Variants in ARHGAP32 observed in about 807,000 individuals in gnomAD.
ARHGAP32 encodes rho GTPase-activating protein 32.
In ARHGAP32, 51 loss-of-function variants were observed where a neutral mutation model predicts 186.5. The ratio of observed to expected loss-of-function variants is 0.27; its 90% CI spans 0.22 to 0.35. The LOEUF (loss-of-function observed/expected upper bound fraction) is 0.35. ARHGAP32 is among the 10% of genes least tolerant of loss of function. The probability of loss-of-function intolerance (pLI) is 1.00; values close to 1 mark genes in which losing one functional copy is unlikely to be tolerated. For missense variants in ARHGAP32, 2,186 were observed against 2,623.5 expected (o/e 0.83, Z 3.64); for synonymous variants, 950 against 964.3 (o/e 0.99, Z 0.27).
At chr11:129,048,647 T>C (rs182342385) in intron 10 of ARHGAP32, among the ~76,000 whole-genome samples, 8 of 152,046 alleles carry the variant, frequency 5.3e-5, no homozygotes, top group Admixed American at 1.3e-4. Context: ...GGGCAAAAAC[T>C]GGGAGGAACA....
At chr11:129,065,699 C>T (rs1940663773) in intron 7 of ARHGAP32, among the ~76,000 whole-genome samples, 1 of 152,094 alleles carries the variant, frequency 6.6e-6, no homozygotes, top group East Asian at 1.9e-4. Flanking sequence ...CACTGAATCT[C>T]AGAACATCAC....
intron 1 of ARHGAP32, among the ~76,000 whole-genome samples, chr11:129,262,760 C>G (rs1425310124): frequency 7.6e-6 from 1 of 132,446 alleles, no homozygotes; most frequent in Non-Finnish European, 1.6e-5. Flanking sequence ...CTACAAAAAT[C>G]CTGGGAGAAG....
chr11:129,189,973 G>A (rs1277622723), intron 1 of ARHGAP32, among the ~76,000 whole-genome samples: 2 of 152,028 alleles, frequency 1.3e-5, no homozygotes, highest in East Asian at 3.9e-4. Context: ...AGCTATTCAG[G>A]GAAAAAGAAA....
At chr11:129,064,793 T>C (rs749360023) in intron 8 of ARHGAP32, 48 bp downstream of exon 8, 1 of 1,377,380 alleles carries the variant, frequency 7.3e-7, no homozygotes, top group Non-Finnish European at 1.0e-6. Flanking sequence ...ATTTCTTAAG[T>C]AGATAATTTA....
intron 6 of ARHGAP32, among the ~76,000 whole-genome samples, chr11:129,079,843 G>A (rs1438382549): frequency 2.0e-5 from 3 of 152,140 alleles, no homozygotes; most frequent in Non-Finnish European, 4.4e-5. Flanking sequence ...CCAAGTATCT[G>A]CTGTCTTCAA....
chr11:129,181,588 G>T (rs913122943), intron 1 of ARHGAP32, among the ~76,000 whole-genome samples: 1 of 152,122 alleles, frequency 6.6e-6, no homozygotes, highest in African/African-American at 2.4e-5. Context: ...GTTAGCCTAT[G>T]TGGACTAATA....
At chr11:129,211,336 C>A (rs1944580008) in intron 1 of ARHGAP32, among the ~76,000 whole-genome samples, 1 of 152,222 alleles carries the variant, frequency 6.6e-6, no homozygotes, top group African/African-American at 2.4e-5. Flanking sequence ...CAAGATTTCT[C>A]AGAAATGTAT....
chr11:129,168,079 TA>T (rs796728435), intron 1 of ARHGAP32, among the ~76,000 whole-genome samples: 17 of 150,128 alleles, frequency 1.1e-4, no homozygotes, highest in African/African-American at 4.2e-4. Context: ...ACCCCATCTG[TA>T]AAAAAAAATA....
chr11:129,216,682 A>AAAAAAC (rs1474615629), intron 1 of ARHGAP32, among the ~76,000 whole-genome samples: 1 of 146,484 alleles, frequency 6.8e-6, no homozygotes, highest in African/African-American at 2.5e-5. Flanking sequence ...AAAAAAAAAA[A>AAAAAAC]AAAAAAAAAA....
chr11:129,234,391 G>A (rs1944898928), intron 1 of ARHGAP32, among the ~76,000 whole-genome samples: 1 of 151,916 alleles, frequency 6.6e-6, no homozygotes. Flanking sequence ...AAATATATAT[G>A]TAAAATAGTC....
chr11:129,156,998 G>C (rs905792924), intron 2 of ARHGAP32, among the ~76,000 whole-genome samples: 6 of 152,144 alleles, frequency 3.9e-5, no homozygotes, highest in Non-Finnish European at 7.3e-5. Context: ...CTCACTATTA[G>C]AAGGAAAACT....
At chr11:129,043,426 GC>G (rs1939683645) in intron 10 of ARHGAP32, among the ~76,000 whole-genome samples, 1 of 89,344 alleles carries the variant, frequency 1.1e-5, no homozygotes, top group South Asian at 3.7e-4. Flanking sequence ...CGTTCTTGTT[GC>G]CCAGTCTGAA....
chr11:129,210,620 A>T (rs912329383), intron 1 of ARHGAP32, among the ~76,000 whole-genome samples: 1 of 152,194 alleles, frequency 6.6e-6, no homozygotes, highest in Non-Finnish European at 1.5e-5. Context: ...AAATACTTCC[A>T]AAAACACAAA....
chr11:128,973,546 A>G, intron 21 of ARHGAP32, 114 bp from the exon 22 acceptor site: 1 of 1,144,762 alleles, frequency 8.7e-7, no homozygotes, highest in Non-Finnish European at 1.2e-6. Flanking sequence ...TCCATATTTC[A>G]AAATGGCAAT....
Position 129,266,083 on chromosome 11 carries a change from A to G in ARHGAP32, c.-5+13063T>C, listed in dbSNP as rs534905394. On this transcript the variant is annotated intron_variant, in intron 1 of 6. Transcript: ENST00000525234. ...GGGAGAGAAAAGCTCTAAAAAATGTAATTTCCTACAAGCCCTAGATGAATA... is the reference window on the plus strand; with the variant it reads ...GGGAGAGAAAAGCTCTAAAAAATGTGATTTCCTACAAGCCCTAGATGAATA... 1.1e-4 allele frequency among the ~76,000 whole-genome samples: 16 copies of G among 152,304 alleles called. No individual in the cohort carries two copies. The South Asian group carries it at 2.7e-3, about 26-fold the overall frequency.
intron 1 of ARHGAP32, among the ~76,000 whole-genome samples, chr11:129,167,096 T>C: frequency 6.6e-6 from 1 of 151,988 alleles, no homozygotes; most frequent in Non-Finnish European, 1.5e-5. Flanking sequence ...AAAACATACA[T>C]ATTAATCTAA....
intron 2 of ARHGAP32, among the ~76,000 whole-genome samples, chr11:129,144,593 C>T (rs672035): frequency 0.71 from 108,441 of 152,056 alleles, 39,013 homozygotes; most frequent in South Asian, 0.83. Context: ...GTGGAAGTGC[C>T]AAAAACCAGA....
At chr11:129,189,201 C>A (rs926891239) in intron 1 of ARHGAP32, among the ~76,000 whole-genome samples, 3 of 152,048 alleles carry the variant, frequency 2.0e-5, no homozygotes, top group Non-Finnish European at 4.4e-5. Context: ...AGAAGATAGC[C>A]CCAAAAATCT....
At chr11:129,042,877 G>C (rs1166335857) in intron 10 of ARHGAP32, among the ~76,000 whole-genome samples, 1 of 152,148 alleles carries the variant, frequency 6.6e-6, no homozygotes, top group African/African-American at 2.4e-5. Context: ...GGGGGATGAA[G>C]AAGTGACTGG....
Sources: gnomAD v4.1 joint callset for allele counts (sites outside exome capture counted in the v4.1 genomes callset) on GRCh38, gnomAD v4.1.1 for gene constraint, MANE v1.5 for transcripts, NCBI Gene and HGNC (gene_info 2026-07-23, HGNC 2026-07-21) for gene names.